The following HEPHL1 variants were observed in gnomAD, a reference collection of about 807,000 sequenced individuals.
The protein encoded by HEPHL1 is ferroxidase HEPHL1.
HEPHL1 carries 123 observed loss-of-function variants against 122.0 expected under a neutral mutation model. The ratio of observed to expected loss-of-function variants is 1.01; its 90% confidence interval spans 0.87 to 1.17. The LOEUF (loss-of-function observed/expected upper bound fraction) is 1.17, where lower values mean the gene tolerates loss of function less well. Ranked by LOEUF, HEPHL1 falls within the 50% of genes most tolerant of loss-of-function variation. The pLI is 0.00. For missense variants in HEPHL1, 1,452 were observed against 1,430.5 expected (o/e 1.01, Z -0.24); for synonymous variants, 527 against 508.9 (o/e 1.04, Z -0.48).
Position 94,064,315 on chromosome 11 carries a change from T to G in HEPHL1, c.629-16T>G. On this transcript the variant is annotated splice_polypyrimidine_tract_variant and intron_variant, in intron 3 of 19. Coordinates refer to ENST00000315765, the MANE Select transcript of HEPHL1 (RefSeq NM_001098672.2). ...ATTTAGTTCTTTCTCTCTACTCTTT[T>G]GAATGTGCCTGACAGGTATCCTGAA... 3 of 1,593,310 alleles carry G rather than the reference T, an allele frequency of 1.9e-6. No homozygotes were observed. The highest frequency in any genetic ancestry group is 1.7e-6 in the Non-Finnish European group (2 of 1,166,070).
chr11:94,070,551 C>G lies in HEPHL1; in HGVS notation c.1232+9C>G, dbSNP rs1878799. 0.96 allele frequency: 1,534,234 copies of G among 1,601,134 alleles called. 743,890 individuals carry two copies. The highest frequency in any genetic ancestry group is 0.99 in the Non-Finnish European group (1,163,500 of 1,172,728). ...CTAAACGCCTCTGGCAGGTAAGCAC[C>G]CTTTGTTGGTGTTTCTAAGCCTCTC... On this transcript the variant is annotated intron_variant, in intron 6 of 19. Transcript: ENST00000315765.
Position 94,075,174 on chromosome 11 carries a change from G to A in HEPHL1, c.1505G>A (p.Gly502Glu). The change falls in exon 9 of 20, where the codon GGA (glycine) becomes GAA (glutamate). Residue 502 changes from glycine to glutamate, a missense_variant and splice_region_variant. By Grantham distance (98) the Gly-to-Glu change is moderately conservative. Coordinates refer to ENST00000315765, the MANE Select transcript of HEPHL1 (RefSeq NM_001098672.2). ...KASDAAPNLDGFVKPGAHVKP... is the reference protein window; with the variant it reads ...KASDAAPNLDEFVKPGAHVKP... ...ATAATTGTTTTGTTTATATCCTCAG[G>A]ATTTGTGAAACCAGGGGCGCATGTT... 1.9e-6 allele frequency: 3 copies of A among 1,611,988 alleles called. No homozygotes were observed. The highest frequency in any genetic ancestry group is 1.7e-4 in the Middle Eastern group (1 of 6,054).
Position 94,110,938 on chromosome 11 carries a change from C to T in HEPHL1, c.3081C>T (p.Leu1027=). The part of the protein sequence containing the change: ...DKSYREDVYD[L]FPGTFQTIEL... ...CTTACCGAGAAGATGTGTATGATCT[C>T]TTTCCTGGGACATTCCAAACCATTG... is the stretch of plus-strand genomic sequence containing the variant. Residue 1027 remains leucine (L), a synonymous_variant, in exon 18 of 20, where the codon CTC becomes CTT. Coordinates refer to ENST00000315765, the MANE Select transcript of HEPHL1 (RefSeq NM_001098672.2). 1.2e-6 allele frequency: 2 copies of T among 1,613,204 alleles called. No homozygotes were observed. The highest frequency in any genetic ancestry group is 2.2e-5 in the South Asian group (2 of 90,852).
chr11:94,093,128 G>A (rs945735552), intron 12 of HEPHL1, among the ~76,000 whole-genome samples: 1 of 142,542 alleles, frequency 7.0e-6, no homozygotes, highest in Non-Finnish European at 1.5e-5. Context: ...GTGTGTGTGT[G>A]TGATGACACA....
Position 94,097,698 on chromosome 11 carries a change from C to T in HEPHL1, c.2435-3497C>T, listed in dbSNP as rs562494419. ...AGGACTTGCTTTATGAATCTGGGTG[C>T]TCCTGTATTGGGTGTATATATATTT... is the stretch of plus-strand genomic sequence containing the variant. On this transcript the variant is annotated intron_variant, in intron 13 of 19. Transcript: ENST00000315765. Among the ~76,000 whole-genome samples the T allele has an allele frequency of 2.0e-5, 3 of 151,696 alleles. No individual in the cohort carries two copies. The South Asian group carries it at 6.2e-4, about 31-fold the overall frequency.
intron 8 of HEPHL1, among the ~76,000 whole-genome samples, chr11:94,074,533 C>CT: frequency 6.6e-6 from 1 of 152,168 alleles, no homozygotes; most frequent in South Asian, 2.1e-4. Flanking sequence ...TACTGGGCAC[C>CT]TTTTTGCAGA....
intron 4 of HEPHL1, 80 bp downstream of exon 4, chr11:94,064,590 A>G: frequency 1.0e-6 from 1 of 956,260 alleles, no homozygotes; most frequent in Non-Finnish European, 1.6e-6. Flanking sequence ...AATACACAGA[A>G]ATGTTGATCT....
chr11:94,085,585 G>A (rs1032475305), intron 10 of HEPHL1, among the ~76,000 whole-genome samples: 1 of 152,174 alleles, frequency 6.6e-6, no homozygotes, highest in African/African-American at 2.4e-5. Context: ...TGAGGGTCTT[G>A]TAGAATTCAA....
intron 1 of HEPHL1, among the ~76,000 whole-genome samples, 180 bp from the exon 2 acceptor site, chr11:94,045,493 G>T (rs1291093573): frequency 2.6e-5 from 4 of 152,182 alleles, no homozygotes; most frequent in Admixed American, 2.6e-4. Flanking sequence ...CCACTTCATT[G>T]CTGAATCTCA....
chr11:94,110,789 T>C (rs1383062737), intron 17 of HEPHL1, 114 bp from the exon 18 acceptor site: 19 of 746,226 alleles, frequency 2.5e-5, no homozygotes, highest in Admixed American at 5.6e-5. Flanking sequence ...CTGCTCTTTC[T>C]TATGTCCTTC....
chr11:94,063,486 T>A, intron 2 of HEPHL1, 22 bp from the exon 3 acceptor site: 1 of 1,538,294 alleles, frequency 6.5e-7, no homozygotes, highest in South Asian at 1.2e-5. Flanking sequence ...TTACCTTTTT[T>A]TTTAATTTTA....
intron 2 of HEPHL1, among the ~76,000 whole-genome samples, chr11:94,054,615 GC>G (rs1374446905): frequency 6.6e-6 from 1 of 152,212 alleles, no homozygotes; most frequent in Non-Finnish European, 1.5e-5. Flanking sequence ...AGCTGCATGT[GC>G]TTTTACCCTC....
rs756011709 is a variant in HEPHL1, at chr11:94,045,882, A to C, written c.380A>C (p.His127Pro). ...KNFASRPYSL[H>P]PHGVFYNKDS... ...TTTGCTTCTCGACCTTACTCTCTGC[A>C]TCCACATGGCGTTTTCTACAACAAA... Residue 127 changes from histidine (H) to proline (P), a missense_variant, in exon 2 of 20, where the codon CAT (histidine) becomes CCT (proline). By Grantham distance (77) the His-to-Pro change is moderately conservative. Transcript: ENST00000315765. 15 of 1,613,822 alleles carry C rather than the reference A, an allele frequency of 9.3e-6. No individual in the cohort carries two copies. Among genetic ancestry groups the C allele is most frequent in the Admixed American group, 8.3e-5 (5 of 59,982 alleles).
chr11:94,045,960 A>T (rs1016625212), intron 2 of HEPHL1, 43 bp downstream of exon 2: 1 of 1,579,558 alleles, frequency 6.3e-7, no homozygotes, highest in South Asian at 1.1e-5. Flanking sequence ...TCTCTATTTC[A>T]TAAGTAAGGT....
At chr11:94,051,156 GTATGTACCCA>G (rs1287754343) in intron 2 of HEPHL1, among the ~76,000 whole-genome samples, 5 of 152,036 alleles carry the variant, frequency 3.3e-5, no homozygotes, top group Non-Finnish European at 1.5e-5. Context: ...TTAAAATGGG[GTATGTACCCA>G]TACCAGTGGG....
At chr11:94,039,970 A>G (rs1454293948) in intron 1 of HEPHL1, among the ~76,000 whole-genome samples, 10 of 92,500 alleles carry the variant, frequency 1.1e-4, no homozygotes, top group East Asian at 5.3e-4. Context: ...TTGATAGACC[A>G]CTAGCAAGAC....
intron 17 of HEPHL1, among the ~76,000 whole-genome samples, chr11:94,108,608 TC>T (rs1458716491): frequency 1.3e-5 from 2 of 152,000 alleles, no homozygotes; most frequent in African/African-American, 4.8e-5. Flanking sequence ...CATTTTTTTT[TC>T]ATATATATGT....
At chr11:94,103,533 C>T (rs973039982) in intron 15 of HEPHL1, among the ~76,000 whole-genome samples, 19 of 152,122 alleles carry the variant, frequency 1.2e-4, no homozygotes, top group Non-Finnish European at 1.9e-4. Flanking sequence ...AGAAAGTTCA[C>T]TCTAAACATA....
chr11:94,066,356 A>G (rs1407858521), intron 4 of HEPHL1, among the ~76,000 whole-genome samples: 1 of 152,210 alleles, frequency 6.6e-6, no homozygotes, highest in Non-Finnish European at 1.5e-5. Context: ...GGAGTTCAAG[A>G]CCAGCCTGGC....
Sources: gnomAD v4.1 joint callset for allele counts (sites outside exome capture counted in the v4.1 genomes callset) on GRCh38, gnomAD v4.1.1 for gene constraint, MANE v1.5 for transcripts, NCBI Gene and HGNC (gene_info 2026-07-23, HGNC 2026-07-21) for gene names.